Variants in CNTNAP2 observed in about 807,000 individuals in gnomAD.
The protein encoded by CNTNAP2 is contactin associated protein 2, also known as contactin-associated protein-like 2.
A neutral mutation model predicts 155.2 loss-of-function variants in CNTNAP2; 98 were observed. The ratio of observed to expected loss-of-function variants is 0.63; its 90% CI spans 0.54 to 0.75. The LOEUF (loss-of-function observed/expected upper bound fraction) is 0.75. Among genes scored for constraint, CNTNAP2 ranks in the 30% least tolerant of loss-of-function variants. The pLI, the probability that CNTNAP2 is intolerant of heterozygous loss-of-function variation, is 0.00. For missense variants in CNTNAP2, 1,727 were observed against 1,688.1 expected (o/e 1.02, Z -0.40); for synonymous variants, 651 against 631.2 (o/e 1.03, Z -0.47).
chr7:146,350,695 T>C (rs992569826), intron 1 of CNTNAP2, among the ~76,000 whole-genome samples: 1 of 152,046 alleles, frequency 6.6e-6, no homozygotes, highest in Admixed American at 6.6e-5. Flanking sequence ...ACCCAAAGGA[T>C]TATAAATCAT....
chr7:147,448,482 G>A (rs935280989), intron 10 of CNTNAP2, among the ~76,000 whole-genome samples: 1 of 103,318 alleles, frequency 9.7e-6, no homozygotes, highest in Non-Finnish European at 2.1e-5. Context: ...ATGTGTGTGT[G>A]TGTATATATA....
rs867367410 is a variant in CNTNAP2 at position 148,409,822 on chromosome 7, C to T, written c.3796+351C>T. Among the ~76,000 whole-genome samples the T allele has an allele frequency of 3.7e-4, 35 of 94,706 alleles. 10 individuals carry two copies. Among genetic ancestry groups the T allele is most frequent in the African/African-American group, 1.5e-3 (32 of 21,470 alleles). The allele number at this position is 94,706 out of a possible 152,430, so 62.1% of individuals were successfully genotyped here. A position where few individuals can be genotyped will look rare whatever the true frequency, so the allele number is the denominator to read the frequency against. On this transcript the variant is annotated intron_variant, in intron 23 of 23. Coordinates refer to ENST00000361727, the MANE Select transcript of CNTNAP2 (RefSeq NM_014141.6). ...ATCCCAGCACTTTGGGAGGCCGAGG[C>T]GGGCGGATCACAAGGTCAGGAGATC...
At chr7:147,685,378 A>T (rs1211342863) in intron 13 of CNTNAP2, among the ~76,000 whole-genome samples, 1 of 152,042 alleles carries the variant, frequency 6.6e-6, no homozygotes, top group African/African-American at 2.4e-5. Flanking sequence ...CAAGAGAAAC[A>T]AGATGGACTT....
intron 13 of CNTNAP2, among the ~76,000 whole-genome samples, chr7:147,644,704 T>C (rs1273777426): frequency 6.6e-6 from 1 of 152,208 alleles, no homozygotes; most frequent in African/African-American, 2.4e-5. Flanking sequence ...ACTTGAGTAG[T>C]CTTAGTCAAC....
At chr7:146,306,604 A>G (rs1294647594) in intron 1 of CNTNAP2, among the ~76,000 whole-genome samples, 1 of 152,148 alleles carries the variant, frequency 6.6e-6, no homozygotes, top group Non-Finnish European at 1.5e-5. Context: ...ACACAAATCA[A>G]TAAACGTAAT....
At chr7:146,586,719 AC>A (rs1177204159) in intron 1 of CNTNAP2, among the ~76,000 whole-genome samples, 1 of 152,170 alleles carries the variant, frequency 6.6e-6, no homozygotes, top group East Asian at 1.9e-4. Flanking sequence ...AACTTTAAGG[AC>A]CTTTGATGAG....
intron 21 of CNTNAP2, among the ~76,000 whole-genome samples, chr7:148,375,200 G>T (rs1798959750): frequency 6.6e-6 from 1 of 151,042 alleles, no homozygotes; most frequent in South Asian, 2.1e-4. Context: ...TTGGTACTGT[G>T]TAATTACAAC....
intron 18 of CNTNAP2, among the ~76,000 whole-genome samples, chr7:148,194,186 C>T (rs554853297): frequency 6.7e-5 from 10 of 149,050 alleles, no homozygotes; most frequent in East Asian, 2.0e-4. Context: ...TTTGTAGAGA[C>T]GGGGTTTCAC....
intron 12 of CNTNAP2, among the ~76,000 whole-genome samples, chr7:147,562,548 A>G (rs1800085148): frequency 6.6e-6 from 1 of 152,204 alleles, no homozygotes; most frequent in Non-Finnish European, 1.5e-5. Context: ...AGTTCAGCCC[A>G]AAGAAAGAAC....
At chr7:148,025,002 AC>A (rs747360864) in intron 15 of CNTNAP2, among the ~76,000 whole-genome samples, 1 of 152,194 alleles carries the variant, frequency 6.6e-6, no homozygotes, top group Non-Finnish European at 1.5e-5. Context: ...TAGCTTTAAA[AC>A]AAAAATGATA....
intron 1 of CNTNAP2, among the ~76,000 whole-genome samples, chr7:146,439,295 T>C (rs1796286972): frequency 6.6e-6 from 1 of 151,554 alleles, no homozygotes; most frequent in Admixed American, 6.6e-5. Context: ...TGTCAAAGTG[T>C]TTAGCAGCTT....
chr7:146,200,042 G>T (rs1183520745), intron 1 of CNTNAP2, among the ~76,000 whole-genome samples: 1 of 152,128 alleles, frequency 6.6e-6, no homozygotes, highest in Non-Finnish European at 1.5e-5. Context: ...ACAGCTTCTG[G>T]TAGTGTGAAG....
chr7:147,700,863 C>T (rs1354772150), intron 13 of CNTNAP2, among the ~76,000 whole-genome samples: 1 of 152,078 alleles, frequency 6.6e-6, no homozygotes, highest in Admixed American at 6.6e-5. Flanking sequence ...ATCATTTGGC[C>T]CGCTGGGTCT....
chr7:147,614,813 C>A (rs1048877659), intron 12 of CNTNAP2, among the ~76,000 whole-genome samples: 4 of 151,360 alleles, frequency 2.6e-5, no homozygotes, highest in African/African-American at 9.7e-5. Flanking sequence ...CAATTTATTC[C>A]TATATAGCTC....
chr7:147,281,484 C>T (rs542230020), intron 8 of CNTNAP2, among the ~76,000 whole-genome samples: 11 of 151,452 alleles, frequency 7.3e-5, no homozygotes, highest in South Asian at 6.3e-4. Flanking sequence ...GAAAGAATTC[C>T]CTGAATATAC....
intron 13 of CNTNAP2, among the ~76,000 whole-genome samples, chr7:147,649,623 G>C (rs1367462123): frequency 6.6e-6 from 1 of 152,026 alleles, no homozygotes; most frequent in African/African-American, 2.4e-5. Flanking sequence ...TGAGAAGTAT[G>C]AGTTTATAGA....
intron 1 of CNTNAP2, among the ~76,000 whole-genome samples, chr7:146,641,590 A>T (rs552781657): frequency 1.3e-5 from 2 of 151,426 alleles, no homozygotes; most frequent in Admixed American, 6.6e-5. Context: ...AGCTCTTTCT[A>T]CTCTTTAATC....
At chr7:148,002,303 A>T (rs1351923019) in intron 15 of CNTNAP2, among the ~76,000 whole-genome samples, 2 of 152,156 alleles carry the variant, frequency 1.3e-5, no homozygotes, top group Non-Finnish European at 2.9e-5. Context: ...TTCATCAGGA[A>T]CTTCATAAAG....
At chr7:147,406,613 T>C (rs1165653027) in intron 10 of CNTNAP2, among the ~76,000 whole-genome samples, 1 of 152,204 alleles carries the variant, frequency 6.6e-6, no homozygotes, top group Non-Finnish European at 1.5e-5. Context: ...TAGAGATAAG[T>C]ACTTTGTTGT....
Sources: gnomAD v4.1 joint callset for allele counts (sites outside exome capture counted in the v4.1 genomes callset) on GRCh38, gnomAD v4.1.1 for gene constraint, MANE v1.5 for transcripts, NCBI Gene and HGNC (gene_info 2026-07-23, HGNC 2026-07-21) for gene names.